VPS13A: variants seen among roughly 807,000 people sequenced by gnomAD.
VPS13A encodes intermembrane lipid transfer protein VPS13A.
VPS13A carries 264 observed loss-of-function variants against 390.9 expected under a neutral mutation model. The ratio of observed to expected loss-of-function variants is 0.68; its 90% CI spans 0.61 to 0.75. The LOEUF (loss-of-function observed/expected upper bound fraction) is 0.75, where lower values mean the gene tolerates loss of function less well. Among genes scored for constraint, VPS13A ranks in the 30% least tolerant of loss-of-function variants. The pLI is 0.00. For synonymous variants in VPS13A, 1,231 were observed against 1,227.1 expected (o/e 1.00, Z -0.07); for missense variants, 3,409 against 3,733.9 (o/e 0.91, Z 2.27).
In VPS13A at chr9:77,363,403, T is replaced by A. The variant is rs1479324657; in HGVS notation, c.8212-2057T>A. Among the ~76,000 whole-genome samples, 9 of 80,250 alleles carry A rather than the reference T, an allele frequency of 1.1e-4. No homozygotes were observed. The East Asian group carries it at 1.6e-3, about 15-fold the overall frequency. The allele number at this position is 80,250 out of a possible 152,430, so 52.6% of individuals were successfully genotyped here. On this transcript the variant is annotated intron_variant, in intron 59 of 71. Transcript: ENST00000360280. ...TTTATTACATTAATTTTTTTTTTTT[T>A]ATTTTTTTTTTTTTTTGAGACCTAG...
chr9:77,408,482 G>A (rs1464816035), intron 71 of VPS13A, among the ~76,000 whole-genome samples: 3 of 152,246 alleles, frequency 2.0e-5, no homozygotes, highest in Non-Finnish European at 4.4e-5. Flanking sequence ...GTGAGCCAAA[G>A]TAGGGCGAGG....
At chr9:77,234,429 A>G (rs1824015163) in intron 17 of VPS13A, among the ~76,000 whole-genome samples, 1 of 152,140 alleles carries the variant, frequency 6.6e-6, no homozygotes, top group Non-Finnish European at 1.5e-5. Context: ...TTTCACTTTC[A>G]ACCCATATGT....
intron 31 of VPS13A, among the ~76,000 whole-genome samples, chr9:77,291,095 C>G (rs1326472026): frequency 6.6e-6 from 1 of 152,166 alleles, no homozygotes; most frequent in East Asian, 1.9e-4. Flanking sequence ...CTGGGCCGGA[C>G]AGCAGGAGTT....
rs866084808 is a variant in VPS13A, at chr9:77,238,383, A to G, written c.1897A>G (p.Thr633Ala). Residue 633 changes from threonine (T) to alanine (A), a missense_variant, in exon 19 of 72, where the codon ACA becomes GCA. Transcript: ENST00000360280. Reference protein sequence around the residue: ...KLEEFRSKTATGLLYIIETQK... With the variant: ...KLEEFRSKTAAGLLYIIETQK... ...GGAAGAATTTCGCAGTAAGACAGCA[A>G]CAGGTAAATGCCAATATTAATGTTG... 2 of 1,609,674 alleles carry G rather than the reference A, an allele frequency of 1.2e-6. No individual in the cohort carries two copies. Among genetic ancestry groups the G allele is most frequent in the Admixed American group, 3.3e-5 (2 of 59,992 alleles).
intron 1 of VPS13A, among the ~76,000 whole-genome samples, chr9:77,197,082 T>C (rs1162433087): frequency 6.6e-6 from 1 of 152,210 alleles, no homozygotes; most frequent in East Asian, 1.9e-4. Context: ...TTTATTTATC[T>C]GATGATGGGT....
At chr9:77,189,005 A>G (rs1178002144) in intron 1 of VPS13A, among the ~76,000 whole-genome samples, 1 of 151,594 alleles carries the variant, frequency 6.6e-6, no homozygotes, top group Non-Finnish European at 1.5e-5. Flanking sequence ...TCGATTCTGG[A>G]TAATTAGATC....
rs79914457 is a variant in VPS13A at position 77,315,349 on chromosome 9, A to G, written c.4509A>G (p.Gln1503=). The G allele has an allele frequency of 3.5e-3, 5,707 of 1,614,010 alleles. 165 individuals are homozygous for G. In the African/African-American group the frequency reaches 0.065, roughly 18 times the overall value. The change falls in exon 38 of 72, where the codon CAA becomes CAG. Residue 1503 remains glutamine, a synonymous_variant. Transcript: ENST00000360280. ...GTTGTGTGACTGATGCGGTCTTTCAAGAAATGTATATTTGTGCAAGCGTAG... is the reference window on the plus strand; with the variant it reads ...GTTGTGTGACTGATGCGGTCTTTCAGGAAATGTATATTTGTGCAAGCGTAG... ...RDGCVTDAVF[Q]EMYICASVEF... is the part of the protein sequence containing the mutation.
chr9:77,238,071 G>C lies in VPS13A; in HGVS notation c.1665G>C (p.Leu555=), dbSNP rs760404689. ...ATAATTCAGAAAAACCCCGCCTCCT[G>C]TCTTCATTGGATGATGCAATGTCAC... ...LPDNSEKPRL[L]SSLDDAMSLF... Residue 555 remains leucine, a synonymous_variant, in exon 18 of 72, where the codon CTG becomes CTC. Transcript: ENST00000360280. The C allele has an allele frequency of 4.3e-6, 7 of 1,612,908 alleles. No homozygotes were observed. The Admixed American group carries it at 1.2e-4, about 27-fold the overall frequency.
chr9:77,369,871 T>G (rs1286771148), intron 63 of VPS13A, among the ~76,000 whole-genome samples: 3 of 152,254 alleles, frequency 2.0e-5, no homozygotes, highest in Admixed American at 1.3e-4. Context: ...ACATTAATTT[T>G]GCACATTGTA....
At chr9:77,262,268 T>C (rs1022649256) in intron 23 of VPS13A, among the ~76,000 whole-genome samples, 2 of 152,106 alleles carry the variant, frequency 1.3e-5, no homozygotes, top group East Asian at 1.9e-4. Flanking sequence ...TTCTGGACTT[T>C]GTATTATGTG....
In VPS13A at chr9:77,318,386, C is replaced by G; in HGVS notation, c.5108C>G (p.Ser1703Ter). 2 of 1,613,764 alleles carry G rather than the reference C, an allele frequency of 1.2e-6. No homozygotes were observed. The highest frequency in any genetic ancestry group is 1.1e-5 in the South Asian group (1 of 91,058). ...TTAAAAATGTGGTTTCTTGAAGAAT[C>G]AAATGAAACTGAAAAAATAGCTCCC... ...KTLKMWFLEE[S>*]NETEKIAPTT... The change falls in exon 41 of 72, where the codon TCA becomes TGA. Residue 1703 changes from serine (S) to a stop codon, truncating the protein, a stop_gained. Coordinates refer to ENST00000360280, the MANE Select transcript of VPS13A (RefSeq NM_033305.3). LOFTEE classifies it high-confidence loss of function.
intron 68 of VPS13A, among the ~76,000 whole-genome samples, chr9:77,397,630 A>C (rs777050425): frequency 2.6e-5 from 4 of 152,166 alleles, no homozygotes; most frequent in Non-Finnish European, 5.9e-5. Context: ...CTCTGTTACC[A>C]TGGCTCTGTC....
At chr9:77,356,211 C>T (rs1831770073) in intron 54 of VPS13A, among the ~76,000 whole-genome samples, 1 of 152,034 alleles carries the variant, frequency 6.6e-6, no homozygotes, top group South Asian at 2.1e-4. Context: ...TTTAGCTGGC[C>T]TCTCTACCTG....
chr9:77,295,474 A>G (rs1469667189), intron 32 of VPS13A, 68 bp from the exon 33 acceptor site: 2 of 1,321,190 alleles, frequency 1.5e-6, no homozygotes, highest in South Asian at 1.8e-5. Flanking sequence ...AAAACCATAA[A>G]TATCAATATA....
chr9:77,342,636 T>G (rs914725952), intron 50 of VPS13A, among the ~76,000 whole-genome samples: 14 of 152,212 alleles, frequency 9.2e-5, no homozygotes, highest in Non-Finnish European at 7.3e-5. Flanking sequence ...GCTATGTGTA[T>G]AAGGTGTATG....
intron 42 of VPS13A, among the ~76,000 whole-genome samples, chr9:77,320,098 C>T (rs1459357285): frequency 6.6e-6 from 1 of 152,014 alleles, no homozygotes; most frequent in African/African-American, 2.4e-5. Flanking sequence ...TAATTTAGAA[C>T]ACAGTTTAGA....
intron 3 of VPS13A, among the ~76,000 whole-genome samples, chr9:77,202,466 T>C (rs2131112091): frequency 6.6e-6 from 1 of 152,298 alleles, no homozygotes; most frequent in East Asian, 1.9e-4. Flanking sequence ...TTTCTCATAA[T>C]CTGAGTTGAT....
At chr9:77,387,052 G>A (rs1833718470) in intron 68 of VPS13A, among the ~76,000 whole-genome samples, 1 of 151,572 alleles carries the variant, frequency 6.6e-6, no homozygotes, top group Non-Finnish European at 1.5e-5. Context: ...CTGCCACAGT[G>A]AAATTATCTT....
chr9:77,328,935 G>A (rs1279009664), intron 45 of VPS13A, among the ~76,000 whole-genome samples: 1 of 152,220 alleles, frequency 6.6e-6, no homozygotes, highest in African/African-American at 2.4e-5. Context: ...TACAATCATG[G>A]CAGAAGGCAA....
Sources: allele counts gnomAD v4.1 joint callset (sites outside exome capture counted in the v4.1 genomes callset), GRCh38; gene constraint gnomAD v4.1.1; transcripts MANE v1.5; gene names NCBI Gene and HGNC (gene_info 2026-07-23, HGNC 2026-07-21).